The following SLIT2 variants were observed in gnomAD, a reference collection of about 807,000 sequenced individuals.
SLIT2 encodes the protein slit homolog 2 protein.
A neutral mutation model predicts 185.7 loss-of-function variants in SLIT2; 41 were observed. The ratio of observed to expected loss-of-function variants is 0.22; its 90% CI spans 0.17 to 0.29. SLIT2 has a LOEUF of 0.29. Among genes scored for constraint, SLIT2 ranks in the 10% least tolerant of loss-of-function variants. SLIT2 has a pLI of 1.00. For missense variants in SLIT2, 1,571 were observed against 1,909.0 expected (o/e 0.82, Z 3.30); for synonymous variants, 693 against 680.2 (o/e 1.02, Z -0.29).
intron 15 of SLIT2, among the ~76,000 whole-genome samples, chr4:20,527,904 C>G (rs544091834): frequency 3.9e-5 from 6 of 151,984 alleles, no homozygotes; most frequent in Middle Eastern, 6.8e-3. Context: ...TAATACCCTC[C>G]CTTTTCAATC....
intron 4 of SLIT2, among the ~76,000 whole-genome samples, chr4:20,344,140 G>A (rs918895640): frequency 6.6e-6 from 1 of 152,134 alleles, no homozygotes; most frequent in East Asian, 1.9e-4. Context: ...GAGCCACCGC[G>A]CCCGGCCACA....
At chr4:20,492,965 C>G in intron 9 of SLIT2, among the ~76,000 whole-genome samples, 1 of 152,238 alleles carries the variant, frequency 6.6e-6, no homozygotes, top group African/African-American at 2.4e-5. Context: ...ATTCTAGACT[C>G]TGTGAAGATT....
intron 29 of SLIT2, among the ~76,000 whole-genome samples, chr4:20,570,462 A>G (rs1419076365): frequency 1.3e-5 from 2 of 151,862 alleles, no homozygotes; most frequent in African/African-American, 4.8e-5. Flanking sequence ...CTGCCTAAGA[A>G]TTTAACTTCA....
chr4:20,575,316 C>T (rs1725995675), intron 29 of SLIT2, among the ~76,000 whole-genome samples: 1 of 152,144 alleles, frequency 6.6e-6, no homozygotes, highest in African/African-American at 2.4e-5. Flanking sequence ...TCTATATTTT[C>T]AATTCAAAAC....
chr4:20,561,668 A>T (rs1175763035), intron 26 of SLIT2, among the ~76,000 whole-genome samples: 1 of 151,672 alleles, frequency 6.6e-6, no homozygotes, highest in African/African-American at 2.4e-5. Flanking sequence ...AATCTTTTTT[A>T]CATTTTCAGA....
Position 20,284,709 on chromosome 4 carries a change from C to T in SLIT2, c.395+15828C>T, listed in dbSNP as rs187948429. Among the ~76,000 whole-genome samples, 745 of 152,286 alleles carry T rather than the reference C, an allele frequency of 4.9e-3. 2 individuals are homozygous for T. Among genetic ancestry groups the T allele is most frequent in the Non-Finnish European group, 7.5e-3 (512 of 68,022 alleles). Reference sequence around the variant, plus strand: ...GACTGTAATATATTAATTCTGTTTACAAAATCCTGAAGAAAGGGCTGTCCT... The same window carrying T: ...GACTGTAATATATTAATTCTGTTTATAAAATCCTGAAGAAAGGGCTGTCCT... On this transcript the variant is annotated intron_variant, in intron 4 of 36. Transcript: ENST00000504154.
intron 4 of SLIT2, among the ~76,000 whole-genome samples, chr4:20,269,219 A>G (rs1450449462): frequency 1.3e-5 from 2 of 151,868 alleles, no homozygotes; most frequent in Non-Finnish European, 2.9e-5. Flanking sequence ...TCTTAAGAGG[A>G]AGTTGGCAGT....
At chr4:20,383,594 G>A (rs1724702076) in intron 4 of SLIT2, among the ~76,000 whole-genome samples, 1 of 152,152 alleles carries the variant, frequency 6.6e-6, no homozygotes, top group African/African-American at 2.4e-5. Context: ...GAAACAACTG[G>A]AACTCTCACA....
At position 20,568,527 on chromosome 4, in the gene SLIT2, A is replaced by C. The variant is rs200941098; in HGVS notation, c.2949-338A>C. ...AAAGAAGCCTGAATTATTTTATTAG[A>C]GCACAACTCAAGATTAAGATATCTA... is the stretch of plus-strand genomic sequence containing the variant. On this transcript the variant is annotated intron_variant, in intron 28 of 36. Coordinates refer to ENST00000504154, the MANE Select transcript of SLIT2 (RefSeq NM_004787.4). Among the ~76,000 whole-genome samples the C allele has an allele frequency of 3.3e-5, 5 of 152,142 alleles. No individual in the cohort carries two copies. In the East Asian group the frequency reaches 9.7e-4, roughly 29 times the overall value.
chr4:20,523,430 T>C (rs1721014110), intron 12 of SLIT2, among the ~76,000 whole-genome samples: 1 of 152,188 alleles, frequency 6.6e-6, no homozygotes, highest in South Asian at 2.1e-4. Flanking sequence ...TCTTAGAGCA[T>C]TTTTATGGTG....
chr4:20,542,678 T>C (rs1017836272), intron 21 of SLIT2, 52 bp downstream of exon 21: 51 of 1,585,910 alleles, frequency 3.2e-5, no homozygotes, highest in Non-Finnish European at 4.4e-5. Flanking sequence ...TGATAAATGT[T>C]TCATACACCC....
At chr4:20,588,629 G>A (rs1030677951) in intron 29 of SLIT2, among the ~76,000 whole-genome samples, 1 of 152,166 alleles carries the variant, frequency 6.6e-6, no homozygotes, top group Non-Finnish European at 1.5e-5. Context: ...TATATATTAT[G>A]TATATGAATA....
intron 3 of SLIT2, among the ~76,000 whole-genome samples, chr4:20,268,557 CT>C (rs769289449): frequency 3.3e-5 from 5 of 151,818 alleles, no homozygotes; most frequent in African/African-American, 4.8e-5. Context: ...TTCTGGTTGA[CT>C]GATGTTGCAC....
intron 4 of SLIT2, among the ~76,000 whole-genome samples, chr4:20,450,244 T>C (rs151109859): frequency 4.1e-4 from 62 of 152,332 alleles, no homozygotes; most frequent in African/African-American, 1.4e-3. Flanking sequence ...GTGTTGCATA[T>C]CCTCTCTAAA....
At chr4:20,420,183 G>T (rs1413985520) in intron 4 of SLIT2, among the ~76,000 whole-genome samples, 1 of 151,970 alleles carries the variant, frequency 6.6e-6, no homozygotes. Flanking sequence ...CTTCTAATGC[G>T]TACATTTTTA....
intron 34 of SLIT2, among the ~76,000 whole-genome samples, chr4:20,611,170 C>T (rs1454792944): frequency 2.6e-5 from 4 of 152,218 alleles, no homozygotes; most frequent in Non-Finnish European, 5.9e-5. Flanking sequence ...ATCACCATGA[C>T]AGATATTTTC....
At chr4:20,341,391 C>T (rs752186742) in intron 4 of SLIT2, among the ~76,000 whole-genome samples, 8 of 152,164 alleles carry the variant, frequency 5.3e-5, no homozygotes, top group Non-Finnish European at 1.2e-4. Context: ...CTTAGGCAGC[C>T]CCACTTACTG....
chr4:20,295,528 G>T (rs1043885329), intron 4 of SLIT2, among the ~76,000 whole-genome samples: 1 of 152,142 alleles, frequency 6.6e-6, no homozygotes, highest in Admixed American at 6.5e-5. Flanking sequence ...CAAGTGAAGG[G>T]CAGATGACCG....
At chr4:20,466,547 T>C (rs73252420) in intron 4 of SLIT2, among the ~76,000 whole-genome samples, 2,093 of 152,318 alleles carry the variant, frequency 0.014, 20 homozygotes, top group Non-Finnish European at 0.022. Flanking sequence ...TAAATGCAAT[T>C]CTTCGTTGCT....
Sources: allele counts gnomAD v4.1 joint callset (sites outside exome capture counted in the v4.1 genomes callset), GRCh38; gene constraint gnomAD v4.1.1; transcripts MANE v1.5; gene names NCBI Gene and HGNC (gene_info 2026-07-23, HGNC 2026-07-21).